DNAJC10: variants seen among roughly 807,000 people sequenced by gnomAD.
DNAJC10 encodes the protein endoplasmic reticulum disulfide reductase DNAJC10.
Under a neutral mutation model 115.0 loss-of-function variants are expected in DNAJC10, and 101 were observed. The ratio of observed to expected loss-of-function variants is 0.88; its 90% CI spans 0.75 to 1.04. The LOEUF is 1.04. Ranked by LOEUF, DNAJC10 falls within the 50% of genes least tolerant of loss-of-function variation. DNAJC10 has a pLI of 0.00. For missense variants in DNAJC10, 981 were observed against 928.8 expected, an observed-to-expected ratio of 1.06 and a Z score of -0.73; for synonymous variants, 307 against 301.5, an observed-to-expected ratio of 1.02 and a Z score of -0.19.
intron 10 of DNAJC10, among the ~76,000 whole-genome samples, chr2:182,733,892 T>C (rs958344105): frequency 6.6e-6 from 1 of 151,570 alleles, no homozygotes; most frequent in Non-Finnish European, 1.5e-5. Context: ...GAAGCAAATG[T>C]GTAAATGTAT....
At chr2:182,760,828 A>G (rs1354127529) in intron 21 of DNAJC10, among the ~76,000 whole-genome samples, 1 of 152,190 alleles carries the variant, frequency 6.6e-6, no homozygotes, top group Non-Finnish European at 1.5e-5. Context: ...TAGCTATAAA[A>G]GATTATTTTT....
chr2:182,769,526 T>C (rs1694505007), intron 22 of DNAJC10, among the ~76,000 whole-genome samples: 1 of 152,222 alleles, frequency 6.6e-6, no homozygotes, highest in Non-Finnish European at 1.5e-5. Context: ...TTCTAACTGG[T>C]GTGAGATGGT....
intron 4 of DNAJC10, among the ~76,000 whole-genome samples, chr2:182,721,391 ATG>A (rs1270739332): frequency 6.6e-6 from 1 of 152,120 alleles, no homozygotes; most frequent in East Asian, 1.9e-4. Context: ...TACATAATAT[ATG>A]TGACTTCTTT....
chr2:182,728,928 TAG>T lies in DNAJC10; in HGVS notation c.569_570del (p.Arg190AsnfsTer44). 1 of 1,614,092 alleles carries T rather than the reference TAG, an allele frequency of 6.2e-7. No homozygotes were observed. Among genetic ancestry groups the T allele is most frequent in the Non-Finnish European group, 8.5e-7 (1 of 1,179,958 alleles). ...TTGGAGCTGTTAACTGTGGTGATGATAGAATGCTTTGCCGAATGAAAGGAGTC... is the reference window on the plus strand; with the variant it reads ...TTGGAGCTGTTAACTGTGGTGATGATAATGCTTTGCCGAATGAAAGGAGTC... ...RIGAVNCGDD[R>X]MLCRMKGVNS... On this transcript the variant is annotated frameshift_variant, in exon 7 of 24. Coordinates refer to ENST00000264065, the MANE Select transcript of DNAJC10 (RefSeq NM_018981.4). LOFTEE classifies it high-confidence loss of function.
At chr2:182,741,939 T>C (rs1693747958) in intron 13 of DNAJC10, among the ~76,000 whole-genome samples, 1 of 152,076 alleles carries the variant, frequency 6.6e-6, no homozygotes, top group Non-Finnish European at 1.5e-5. Context: ...CTTTTTTTTT[T>C]AACTTCTGTC....
At chr2:182,757,219 AAGATAAAACACT>A (rs1694178630) in intron 18 of DNAJC10, among the ~76,000 whole-genome samples, 1 of 152,226 alleles carries the variant, frequency 6.6e-6, no homozygotes, top group African/African-American at 2.4e-5. Context: ...ATTTGTTTAC[AAGATAAAACACT>A]AAATCTGAGT....
At chr2:182,723,635 TATATC>T (rs1693211346) in intron 5 of DNAJC10, among the ~76,000 whole-genome samples, 1 of 152,216 alleles carries the variant, frequency 6.6e-6, no homozygotes, top group South Asian at 2.1e-4. Flanking sequence ...CATCTCCTAA[TATATC>T]AGTAAGTGTT....
intron 22 of DNAJC10, among the ~76,000 whole-genome samples, chr2:182,773,166 A>G (rs1694611759): frequency 6.6e-6 from 1 of 152,112 alleles, no homozygotes; most frequent in African/African-American, 2.4e-5. Flanking sequence ...GGCCCCCACT[A>G]TCTCCTGGCT....
chr2:182,755,179 G>T, intron 17 of DNAJC10, 75 bp downstream of exon 17: 2 of 885,944 alleles, frequency 2.3e-6, no homozygotes, highest in South Asian at 1.4e-5. Context: ...GTTTCATATT[G>T]TTTAATAGGA....
intron 14 of DNAJC10, among the ~76,000 whole-genome samples, chr2:182,746,290 T>G (rs898970562): frequency 1.3e-5 from 2 of 152,238 alleles, no homozygotes; most frequent in African/African-American, 4.8e-5. Flanking sequence ...TTTCCAGTTC[T>G]AGATCCCTGA....
rs1695080200 is a variant in DNAJC10 at position 182,793,028 on chromosome 2, G to A, written c.*15896G>A. On this transcript the variant is annotated 3_prime_UTR_variant, in exon 24 of 24. Coordinates refer to ENST00000264065, the MANE Select transcript of DNAJC10 (RefSeq NM_018981.4). ...ATTAGGAGTGTGGGGGCAGCAGCAG[G>A]AGAGTTTCGGTATTAAATAGGGTGG... The A allele has an allele frequency of 6.6e-6, 1 of 152,286 alleles. No individual in the cohort carries two copies. Among genetic ancestry groups the A allele is most frequent in the East Asian group, 1.9e-4 (1 of 5,198 alleles). The allele number at this position is 152,286 out of a possible 1,614,324, so 9.4% of individuals were successfully genotyped here.
At position 182,781,363 on chromosome 2, in the gene DNAJC10, T is replaced by A. The variant is rs1045590583; in HGVS notation, c.*4231T>A. 1 of 152,336 alleles carries A rather than the reference T, an allele frequency of 6.6e-6. No individual in the cohort carries two copies. The highest frequency in any genetic ancestry group is 2.4e-5 in the African/African-American group (1 of 41,564). The allele number at this position is 152,336 out of a possible 1,614,324, so 9.4% of individuals were successfully genotyped here. Reference sequence around the variant, plus strand: ...GCCCGTTTCTTTATCCAGTCTAACATTGATGGGCATTTTGGTTGGTTCCAA... The same window carrying A: ...GCCCGTTTCTTTATCCAGTCTAACAATGATGGGCATTTTGGTTGGTTCCAA... On this transcript the variant is annotated 3_prime_UTR_variant, in exon 24 of 24. Coordinates refer to ENST00000264065, the MANE Select transcript of DNAJC10 (RefSeq NM_018981.4).
intron 14 of DNAJC10, among the ~76,000 whole-genome samples, chr2:182,750,949 T>G (rs1349583395): frequency 3.3e-5 from 5 of 152,036 alleles, no homozygotes; most frequent in African/African-American, 1.2e-4. Context: ...CCAAGTACAG[T>G]TTTTCACTGG....
intron 16 of DNAJC10, among the ~76,000 whole-genome samples, chr2:182,753,587 T>TTTG (rs1332089779): frequency 7.2e-6 from 1 of 139,562 alleles, no homozygotes; most frequent in East Asian, 2.0e-4. Context: ...TAGTTTTTTT[T>TTTG]TTTTTTTTTT....
intron 7 of DNAJC10, 30 bp downstream of exon 7, chr2:182,729,024 T>C (rs1559000128): frequency 3.1e-6 from 5 of 1,605,990 alleles, no homozygotes; most frequent in Non-Finnish European, 3.4e-6. Context: ...TTTTTTAAAT[T>C]TGTGAAACAT....
At chr2:182,721,700 A>G (rs1693153820) in intron 4 of DNAJC10, among the ~76,000 whole-genome samples, 1 of 152,104 alleles carries the variant, frequency 6.6e-6, no homozygotes. Flanking sequence ...ACAAGAGTCT[A>G]TATTTTTGCA....
In DNAJC10 at chr2:182,779,247, C is replaced by T. The variant is rs908982664; in HGVS notation, c.*2115C>T. Reference sequence around the variant, plus strand: ...GTCATAACAGTATTATTGGGTCTTTCAAAAACAGCTGGCAGATTGAGCTTT... The same window carrying T: ...GTCATAACAGTATTATTGGGTCTTTTAAAAACAGCTGGCAGATTGAGCTTT... On this transcript the variant is annotated 3_prime_UTR_variant, in exon 24 of 24. Transcript: ENST00000264065. 19 of 152,140 alleles carry T rather than the reference C, an allele frequency of 1.2e-4. No individual in the cohort carries two copies. Among genetic ancestry groups the T allele is most frequent in the African/African-American group, 4.3e-4 (18 of 41,430 alleles). The allele number at this position is 152,140 out of a possible 1,614,324, so 9.4% of individuals were successfully genotyped here.
At chr2:182,766,178 G>A (rs569471936) in intron 22 of DNAJC10, among the ~76,000 whole-genome samples, 8 of 152,250 alleles carry the variant, frequency 5.3e-5, no homozygotes, top group African/African-American at 1.9e-4. Context: ...AAATGAAACT[G>A]TTGTTTAAGA....
intron 3 of DNAJC10, among the ~76,000 whole-genome samples, chr2:182,719,489 A>T (rs1693090229): frequency 6.6e-6 from 1 of 151,810 alleles, no homozygotes; most frequent in Non-Finnish European, 1.5e-5. Flanking sequence ...TCCTGACCTC[A>T]AATGATCCAC....
Sources: gnomAD v4.1 joint callset for allele counts (sites outside exome capture counted in the v4.1 genomes callset) on GRCh38, gnomAD v4.1.1 for gene constraint, MANE v1.5 for transcripts, NCBI Gene and HGNC (gene_info 2026-07-23, HGNC 2026-07-21) for gene names.